XKR4: variants seen among roughly 807,000 people sequenced by gnomAD.
The protein encoded by XKR4 is XK related 4.
A neutral mutation model predicts 53.9 loss-of-function variants in XKR4; 12 were observed. The ratio of observed to expected loss-of-function variants is 0.22; its 90% CI spans 0.14 to 0.36. The LOEUF (loss-of-function observed/expected upper bound fraction) is 0.36, where lower values mean the gene tolerates loss of function less well. XKR4 is among the 10% of genes least tolerant of loss of function. The pLI is 1.00. For synonymous variants in XKR4, 354 were observed against 362.4 expected (o/e 0.98, Z 0.26); for missense variants, 799 against 859.5 (o/e 0.93, Z 0.88).
At chr8:55,419,483 A>T (rs763137018) in intron 2 of XKR4, among the ~76,000 whole-genome samples, 1 of 152,222 alleles carries the variant, frequency 6.6e-6, no homozygotes, top group Non-Finnish European at 1.5e-5. Flanking sequence ...AATACGAACT[A>T]CTAGTTCTAA....
chr8:55,104,541 T>C (rs7828420), intron 1 of XKR4, among the ~76,000 whole-genome samples: 304 of 152,322 alleles, frequency 2.0e-3, no homozygotes, highest in African/African-American at 7.0e-3. Flanking sequence ...ACCACAAACT[T>C]CTTTTTATTT....
At chr8:55,181,494 T>C (rs144517897) in intron 1 of XKR4, among the ~76,000 whole-genome samples, 2 of 152,294 alleles carry the variant, frequency 1.3e-5, no homozygotes, top group Non-Finnish European at 2.9e-5. Context: ...TATTGAAATA[T>C]CTTAGCCAAG....
chr8:55,212,742 C>T (rs1406575078), intron 1 of XKR4, among the ~76,000 whole-genome samples: 1 of 152,142 alleles, frequency 6.6e-6, no homozygotes, highest in Non-Finnish European at 1.5e-5. Flanking sequence ...CAGACAGAAG[C>T]AAATCTCGTT....
intron 1 of XKR4, among the ~76,000 whole-genome samples, chr8:55,350,059 A>G (rs146283568): frequency 6.3e-4 from 96 of 152,344 alleles, no homozygotes; most frequent in African/African-American, 2.2e-3. Flanking sequence ...AATGGGATAC[A>G]TTGGCTATAC....
intron 2 of XKR4, among the ~76,000 whole-genome samples, chr8:55,393,057 C>A (rs1225745583): frequency 6.6e-6 from 1 of 151,878 alleles, no homozygotes; most frequent in Non-Finnish European, 1.5e-5. Context: ...TTAGAAGCAT[C>A]ATCATTTTAA....
At chr8:55,181,854 A>G (rs1001087459) in intron 1 of XKR4, among the ~76,000 whole-genome samples, 3 of 151,896 alleles carry the variant, frequency 2.0e-5, no homozygotes, top group Non-Finnish European at 4.4e-5. Context: ...ATCTTCTCCC[A>G]TGTGAATCCT....
intron 2 of XKR4, among the ~76,000 whole-genome samples, chr8:55,381,218 A>G (rs1804227890): frequency 6.6e-6 from 1 of 152,212 alleles, no homozygotes; most frequent in South Asian, 2.1e-4. Flanking sequence ...CTTAGCTTTT[A>G]TATTTTACCA....
intron 1 of XKR4, among the ~76,000 whole-genome samples, chr8:55,130,142 T>C (rs1424397227): frequency 6.6e-6 from 1 of 152,202 alleles, no homozygotes; most frequent in Non-Finnish European, 1.5e-5. Flanking sequence ...GGTACTATTA[T>C]TGGCATCAAA....
intron 2 of XKR4, among the ~76,000 whole-genome samples, chr8:55,460,139 CT>C (rs1805632186): frequency 6.6e-6 from 1 of 151,860 alleles, no homozygotes; most frequent in Non-Finnish European, 1.5e-5. Context: ...TAAAATGAAC[CT>C]CAAAAATCTG....
At chr8:55,143,612 T>C (rs943364947) in intron 1 of XKR4, among the ~76,000 whole-genome samples, 16 of 152,308 alleles carry the variant, frequency 1.1e-4, no homozygotes, top group Admixed American at 4.6e-4. Context: ...GAGATTATAA[T>C]TTTTCGATTA....
At chr8:55,438,366 T>C (rs1412064130) in intron 2 of XKR4, among the ~76,000 whole-genome samples, 1 of 151,790 alleles carries the variant, frequency 6.6e-6, no homozygotes, top group Non-Finnish European at 1.5e-5. Flanking sequence ...GGCGGGCAGA[T>C]CACAAGGTCA....
At chr8:55,144,025 C>T (rs1462810566) in intron 1 of XKR4, among the ~76,000 whole-genome samples, 1 of 152,168 alleles carries the variant, frequency 6.6e-6, no homozygotes, top group Admixed American at 6.5e-5. Flanking sequence ...AATTCAAATC[C>T]TCATTACTTC....
At position 55,102,674 on chromosome 8, in the gene XKR4, G is replaced by C. The variant is rs747647098; in HGVS notation, c.186G>C (p.Ser62=). 10 of 1,230,272 alleles carry C rather than the reference G, an allele frequency of 8.1e-6. No homozygotes were observed. Among genetic ancestry groups the C allele is most frequent in the Non-Finnish European group, 1.0e-6 (1 of 977,326 alleles). The allele number at this position is 1,230,272 out of a possible 1,614,324, so 76.2% of individuals were successfully genotyped here. Residue 62 remains serine, a synonymous_variant, in exon 1 of 3, where the codon TCG becomes TCC. Coordinates refer to ENST00000327381, the MANE Select transcript of XKR4 (RefSeq NM_052898.2). The surrounding 1 kb of genome is among the most constrained non-coding windows in gnomAD (Gnocchi z 5.1). ...GGCCPDGGGC[S]RCCCCCAGSG... ...GCTGCCCGGACGGCGGCGGCTGCTCGCGCTGCTGCTGCTGCTGCGCCGGGA... is the reference window on the plus strand; with the variant it reads ...GCTGCCCGGACGGCGGCGGCTGCTCCCGCTGCTGCTGCTGCTGCGCCGGGA...
chr8:55,311,301 C>A (rs1174529350), intron 1 of XKR4, among the ~76,000 whole-genome samples: 1 of 152,202 alleles, frequency 6.6e-6, no homozygotes, highest in Non-Finnish European at 1.5e-5. Context: ...TGCTAAAGAA[C>A]TCCCAGGAGA....
intron 2 of XKR4, among the ~76,000 whole-genome samples, chr8:55,429,739 A>G (rs1345562800): frequency 6.6e-6 from 1 of 152,034 alleles, no homozygotes; most frequent in Admixed American, 6.5e-5. Context: ...TCTGGAAAAA[A>G]AAAAAGAAAA....
chr8:55,255,950 T>C (rs1818433761), intron 1 of XKR4, among the ~76,000 whole-genome samples: 1 of 151,170 alleles, frequency 6.6e-6, no homozygotes. Flanking sequence ...CGTCCAATCA[T>C]TCCAACAGAG....
intron 1 of XKR4, among the ~76,000 whole-genome samples, chr8:55,317,491 A>G (rs1438995860): frequency 6.6e-6 from 1 of 152,238 alleles, no homozygotes; most frequent in Non-Finnish European, 1.5e-5. Context: ...AATAACTCAT[A>G]CTGCATCTGA....
At chr8:55,512,706 A>G (rs936896532) in intron 2 of XKR4, among the ~76,000 whole-genome samples, 7 of 152,124 alleles carry the variant, frequency 4.6e-5, no homozygotes, top group Non-Finnish European at 7.4e-5. Context: ...AGAGGAGGAA[A>G]AAGTGGGGAG....
Position 55,534,667 on chromosome 8 carries a change from A to C in XKR4, c.*10440A>C, listed in dbSNP as rs62516367. ...TGGGATTACAGGCGTGAGCCACCAC[A>C]CCCGGCCCCGATATTCTTAATGACT... is the stretch of plus-strand genomic sequence containing the variant. On this transcript the variant is annotated 3_prime_UTR_variant, in exon 3 of 3. Transcript: ENST00000327381. The C allele has an allele frequency of 7.3e-5, 11 of 150,640 alleles. No homozygotes were observed. The allele number at this position is 150,640 out of a possible 1,614,324, so 9.3% of individuals were successfully genotyped here. A position where few individuals can be genotyped will look rare whatever the true frequency, so the allele number is the denominator to read the frequency against.
Sources: gnomAD v4.1 joint callset for allele counts (sites outside exome capture counted in the v4.1 genomes callset) on GRCh38, gnomAD v4.1.1 for gene constraint, Gnocchi (gnomAD v3.1) non-coding constraint, MANE v1.5 for transcripts, NCBI Gene and HGNC (gene_info 2026-07-23, HGNC 2026-07-21) for gene names.